Variants in CALN1 observed in about 807,000 individuals in gnomAD.
CALN1 encodes calneuron 1.
A neutral mutation model predicts 30.6 loss-of-function variants in CALN1; 17 were observed. The observed-to-expected ratio is 0.56, with a 90% CI of 0.38 to 0.83. The LOEUF (loss-of-function observed/expected upper bound fraction) is 0.83. Among genes scored for constraint, CALN1 ranks in the 40% least tolerant of loss-of-function variants. The probability of loss-of-function intolerance (pLI) is 0.00; values close to 1 mark genes in which losing one functional copy is unlikely to be tolerated. For synonymous variants in CALN1, 156 were observed against 131.4 expected (o/e 1.19, Z -1.28); for missense variants, 291 against 354.9 (o/e 0.82, Z 1.45).
At chr7:72,475,886 T>C in the CALN1 span, among the ~76,000 whole-genome samples, 1 of 151,530 alleles carries the variant, frequency 6.6e-6, no homozygotes, top group East Asian at 1.9e-4. Flanking sequence ...CGAGATCTGA[T>C]GGTTTTATAA....
chr7:72,251,717 T>G (rs932360254), intron 3 of CALN1, among the ~76,000 whole-genome samples: 1 of 152,148 alleles, frequency 6.6e-6, no homozygotes, highest in African/African-American at 2.4e-5. Context: ...TCTGTAGTGT[T>G]TATGGCATCT....
intron 5 of CALN1, among the ~76,000 whole-genome samples, chr7:71,813,968 C>T (rs1056480847): frequency 2.0e-5 from 3 of 150,114 alleles, no homozygotes; most frequent in East Asian, 2.0e-4. Flanking sequence ...GACTTCCCAA[C>T]CTACGGGCCC....
chr7:72,189,398 A>T (rs1293460460), intron 3 of CALN1, among the ~76,000 whole-genome samples: 1 of 152,372 alleles, frequency 6.6e-6, no homozygotes, highest in Middle Eastern at 3.4e-3. Flanking sequence ...CTGGTGTCAA[A>T]GAGGACTTTA....
chr7:72,266,035 G>A (rs1796572745), intron 3 of CALN1, among the ~76,000 whole-genome samples: 1 of 151,938 alleles, frequency 6.6e-6, no homozygotes, highest in South Asian at 2.1e-4. Context: ...TTGGGAGGCT[G>A]AGGTGGGAGG....
At chr7:72,148,425 A>T (rs1786949235) in intron 3 of CALN1, among the ~76,000 whole-genome samples, 1 of 147,488 alleles carries the variant, frequency 6.8e-6, no homozygotes, top group South Asian at 2.1e-4. Context: ...AAAAAAGAAA[A>T]AAAAGAAAAA....
intron 5 of CALN1, among the ~76,000 whole-genome samples, chr7:71,830,465 A>C (rs1298238047): frequency 2.0e-5 from 3 of 152,054 alleles, no homozygotes; most frequent in African/African-American, 7.2e-5. Flanking sequence ...TTCCTGCCTC[A>C]GCCTCCTGAA....
rs1236381388 is a variant in CALN1, at chr7:72,439,253, A to C, written c.-226+7789T>G. On this transcript the variant is annotated intron_variant, in intron 1 of 6. Transcript: ENST00000395276. ...CGCCATGTTGCCCAGGTTGGTATCA[A>C]ACCCCTGAGCTCATGCAATCCTCCT... 3.3e-5 allele frequency among the ~76,000 whole-genome samples: 5 copies of C among 152,270 alleles called. No homozygotes were observed. In the South Asian group the frequency reaches 1.0e-3, roughly 32 times the overall value.
chr7:72,484,524 A>C, the CALN1 span, among the ~76,000 whole-genome samples: 9,138 of 152,068 alleles, frequency 0.06, 499 homozygotes, highest in African/African-American at 0.13. Flanking sequence ...TTCTTCCCCC[A>C]GTCCCCACCG....
chr7:72,362,109 G>A (rs115002056), intron 2 of CALN1, among the ~76,000 whole-genome samples: 87 of 152,212 alleles, frequency 5.7e-4, no homozygotes, highest in African/African-American at 1.9e-3. Flanking sequence ...GTCATTAACA[G>A]AATACAGTAT....
intron 2 of CALN1, chr7:72,336,988 T>C: frequency 1.0e-6 from 1 of 985,406 alleles, no homozygotes; most frequent in Non-Finnish European, 1.2e-6. Flanking sequence ...TGCCTCCCTG[T>C]CCTTGTCCTC....
chr7:71,817,400 T>C (rs971423365), intron 5 of CALN1, among the ~76,000 whole-genome samples: 2 of 152,222 alleles, frequency 1.3e-5, no homozygotes, highest in Non-Finnish European at 2.9e-5. Flanking sequence ...TAATGGATCA[T>C]AGGGAAGAGA....
chr7:72,155,069 G>A (rs1360211736), intron 3 of CALN1, among the ~76,000 whole-genome samples: 3 of 151,814 alleles, frequency 2.0e-5, no homozygotes, highest in Admixed American at 1.3e-4. Flanking sequence ...AAAAAATAAT[G>A]ATAATTAATT....
At chr7:71,969,725 T>G (rs1797702906) in intron 5 of CALN1, among the ~76,000 whole-genome samples, 1 of 152,148 alleles carries the variant, frequency 6.6e-6, no homozygotes, top group Non-Finnish European at 1.5e-5. Flanking sequence ...AAAGCTTTCT[T>G]TAAATATTTT....
chr7:72,024,084 T>G (rs561178188), intron 4 of CALN1, among the ~76,000 whole-genome samples: 1 of 152,190 alleles, frequency 6.6e-6, no homozygotes, highest in African/African-American at 2.4e-5. Flanking sequence ...AATTGCCCAG[T>G]TGTACATGAT....
Position 72,021,725 on chromosome 7 carries a change from C to CG in CALN1, c.501+1931dup, listed in dbSNP as rs1800720444. Among the ~76,000 whole-genome samples the CG allele has an allele frequency of 2.6e-5, 4 of 152,288 alleles. No homozygotes were observed. In the South Asian group the frequency reaches 6.2e-4, roughly 24 times the overall value. ...TCATCCTCTTTTATGCACCTTCCCT[C>CG]GGTGAGCTCATCCTTGCCTATAATT... On this transcript the variant is annotated intron_variant, in intron 5 of 6. Coordinates refer to ENST00000395275, the MANE Select transcript of CALN1 (RefSeq NM_031468.4).
intron 5 of CALN1, among the ~76,000 whole-genome samples, chr7:72,007,997 C>T (rs1365943338): frequency 1.3e-5 from 2 of 152,264 alleles, no homozygotes; most frequent in Middle Eastern, 3.4e-3. Context: ...AATGTTAACA[C>T]TATCAGTCTA....
chr7:71,925,118 G>A (rs111486077), intron 5 of CALN1, among the ~76,000 whole-genome samples: 4 of 152,056 alleles, frequency 2.6e-5, no homozygotes, highest in African/African-American at 9.7e-5. Context: ...GCACATGCTT[G>A]TAATCCTAGC....
chr7:71,974,347 G>C (rs1165782512), intron 5 of CALN1, among the ~76,000 whole-genome samples: 1 of 149,786 alleles, frequency 6.7e-6, no homozygotes, highest in Non-Finnish European at 1.5e-5. Flanking sequence ...GAACTCGGGA[G>C]GGGGAAGTTG....
intron 4 of CALN1, among the ~76,000 whole-genome samples, chr7:72,061,593 G>A (rs1192089364): frequency 6.6e-6 from 1 of 151,544 alleles, no homozygotes; most frequent in Non-Finnish European, 1.5e-5. Context: ...TGATAGAAGA[G>A]CTAGTGAATT....
Sources: gnomAD v4.1 joint callset for allele counts (sites outside exome capture counted in the v4.1 genomes callset) on GRCh38, gnomAD v4.1.1 for gene constraint, MANE v1.5 for transcripts, NCBI Gene and HGNC (gene_info 2026-07-23, HGNC 2026-07-21) for gene names.